Variants in PCDHGA1 observed in about 807,000 individuals in gnomAD.
The protein encoded by PCDHGA1 is protocadherin gamma subfamily A, 1.
Under a neutral mutation model 58.0 loss-of-function variants are expected in PCDHGA1, and 32 were observed. That is an observed-to-expected ratio of 0.55 (90% CI 0.42 to 0.74). PCDHGA1 has a LOEUF of 0.74. Among genes scored for constraint, PCDHGA1 ranks in the 30% least tolerant of loss-of-function variants. The pLI, the probability that PCDHGA1 is intolerant of heterozygous loss-of-function variation, is 0.00. For missense variants in PCDHGA1, 1,205 were observed against 1,182.3 expected, an observed-to-expected ratio of 1.02 and a Z score of -0.28; for synonymous variants, 498 against 501.1, an observed-to-expected ratio of 0.99 and a Z score of 0.08.
chr5:141,499,888 A>G (rs574246186), intron 2 of PCDHGA1, among the ~76,000 whole-genome samples: 105 of 152,174 alleles, frequency 6.9e-4, no homozygotes, highest in African/African-American at 2.4e-3. Flanking sequence ...GGGTTTCGCC[A>G]TGTTGGCCAG....
At position 141,415,074 on chromosome 5, in the gene PCDHGA1, G is replaced by C; in HGVS notation, c.2422-79733G>C. 3 of 1,613,448 alleles carry C rather than the reference G, an allele frequency of 1.9e-6. No homozygotes were observed. In the South Asian group the frequency reaches 3.3e-5, roughly 18 times the overall value. On this transcript the variant is annotated intron_variant, in intron 1 of 3. Coordinates refer to ENST00000517417, the MANE Select transcript of PCDHGA1 (RefSeq NM_018912.3). ...AGCACACGGGCGAGGTGCGCACGGCGCGAGCCCTGCTGGACAGAGACGCGC... is the reference window on the plus strand; with the variant it reads ...AGCACACGGGCGAGGTGCGCACGGCCCGAGCCCTGCTGGACAGAGACGCGC...
At chr5:141,505,245 A>G (rs530515894) in intron 2 of PCDHGA1, 148 bp from the exon 3 acceptor site, 294 of 1,430,832 alleles carry the variant, frequency 2.1e-4, no homozygotes, top group Admixed American at 1.8e-3. Flanking sequence ...GAAGGATTGT[A>G]GAAGTGCCTC....
chr5:141,403,121 C>A, intron 1 of PCDHGA1: 1 of 1,614,046 alleles, frequency 6.2e-7, no homozygotes, highest in Middle Eastern at 1.6e-4. Context: ...TCTGGAGCCC[C>A]GGGAGCTGGC....
chr5:141,376,183 C>A, intron 1 of PCDHGA1: 1 of 1,614,148 alleles, frequency 6.2e-7, no homozygotes, highest in Non-Finnish European at 8.5e-7. Flanking sequence ...TGGCCGCGGT[C>A]TCCTGCGTCT....
intron 1 of PCDHGA1, among the ~76,000 whole-genome samples, chr5:141,462,829 G>T (rs770335372): frequency 4.6e-5 from 7 of 152,130 alleles, no homozygotes; most frequent in Non-Finnish European, 8.8e-5. Flanking sequence ...AGCAGACATT[G>T]TAAATGTTAT....
intron 1 of PCDHGA1, chr5:141,356,861 A>G: frequency 1.2e-6 from 2 of 1,614,148 alleles, no homozygotes; most frequent in South Asian, 1.1e-5. Context: ...TTTGTGCTGG[A>G]CCAGAACGAC....
intron 1 of PCDHGA1, among the ~76,000 whole-genome samples, chr5:141,426,099 G>A (rs1590666889): frequency 1.3e-5 from 2 of 152,348 alleles, no homozygotes; most frequent in African/African-American, 4.8e-5. Context: ...ATTCTGTTCA[G>A]TCACAGAAGC....
chr5:141,369,651 A>C (rs562787182), intron 1 of PCDHGA1, among the ~76,000 whole-genome samples: 2 of 152,378 alleles, frequency 1.3e-5, no homozygotes, highest in South Asian at 4.1e-4. Context: ...GGGGGGAGAT[A>C]ATAAAGATAA....
chr5:141,350,765 A>G (rs1261918788), intron 1 of PCDHGA1: 1 of 1,613,858 alleles, frequency 6.2e-7, no homozygotes, highest in Non-Finnish European at 8.5e-7. Context: ...GTTATACACC[A>G]TCAACCCCAA....
intron 1 of PCDHGA1, chr5:141,384,896 A>G (rs1588983120): frequency 1.2e-6 from 2 of 1,613,766 alleles, no homozygotes; most frequent in African/African-American, 1.3e-5. Flanking sequence ...GCTGTGGCTG[A>G]CAGCATCCCC....
In PCDHGA1 at chr5:141,443,329, A is replaced by AC. The variant is rs58846402; in HGVS notation, c.2422-51477dup. 1.9e-4 allele frequency among the ~76,000 whole-genome samples: 29 copies of AC among 151,590 alleles called. No individual in the cohort carries two copies. In the East Asian group the frequency reaches 4.3e-3, roughly 22 times the overall value. ...AAACCCATCTCTACAAAAAAAAAAA[A>AC]CAAAAATTAACAAGGTTTAGTGGTC... On this transcript the variant is annotated intron_variant, in intron 1 of 3. Coordinates refer to ENST00000517417, the MANE Select transcript of PCDHGA1 (RefSeq NM_018912.3).
At chr5:141,389,480 C>G in intron 1 of PCDHGA1, 1 of 1,613,150 alleles carries the variant, frequency 6.2e-7, no homozygotes, top group Non-Finnish European at 8.5e-7. Flanking sequence ...CACTGCAGGC[C>G]CGCGACCAGG....
rs999463482 is a variant in PCDHGA1, at chr5:141,506,400, T to C, written c.2569+919T>C. ...GGAGGTGGCTGTGGTGAGCAGAAAATCGCACCACTGCACTCCAGCCTGGGC... is the reference window on the plus strand; with the variant it reads ...GGAGGTGGCTGTGGTGAGCAGAAAACCGCACCACTGCACTCCAGCCTGGGC... On this transcript the variant is annotated intron_variant, in intron 3 of 3. Coordinates refer to ENST00000517417, the MANE Select transcript of PCDHGA1 (RefSeq NM_018912.3). 1.2e-4 allele frequency among the ~76,000 whole-genome samples: 16 copies of C among 135,754 alleles called. No homozygotes were observed. In the Admixed American group the frequency reaches 1.3e-3, roughly 11 times the overall value. The allele number at this position is 135,754 out of a possible 152,430, so 89.1% of individuals were successfully genotyped here.
chr5:141,360,474 A>C, intron 1 of PCDHGA1: 1 of 1,613,982 alleles, frequency 6.2e-7, no homozygotes, highest in Non-Finnish European at 8.5e-7. Context: ...CTGAAAATCC[A>C]CTAAATATTT....
chr5:141,407,139 A>G lies in PCDHGA1; in HGVS notation c.2421+74034A>G, dbSNP rs190510544. Among the ~76,000 whole-genome samples, 1,517 of 152,332 alleles carry G rather than the reference A, an allele frequency of 1.0e-2. 33 individuals carry two copies. The highest frequency in any genetic ancestry group is 0.034 in the African/African-American group (1,425 of 41,568). On this transcript the variant is annotated intron_variant, in intron 1 of 3. Coordinates refer to ENST00000517417, the MANE Select transcript of PCDHGA1 (RefSeq NM_018912.3). ...TTTCAGTTGCTTTATTTTTAAGAAA[A>G]AAAAGCTGAAGTGTCTGGGAATCCT...
intron 1 of PCDHGA1, chr5:141,356,480 A>G: frequency 1.2e-6 from 2 of 1,613,992 alleles, no homozygotes; most frequent in South Asian, 2.2e-5. Flanking sequence ...GCCACTGACC[A>G]GGGAACTCCT....
chr5:141,373,190 A>G (rs746967409), intron 1 of PCDHGA1, among the ~76,000 whole-genome samples: 1 of 152,254 alleles, frequency 6.6e-6, no homozygotes, highest in Non-Finnish European at 1.5e-5. Flanking sequence ...ATGAAACATT[A>G]TGTATATCTT....
chr5:141,457,429 C>A (rs73280316), intron 1 of PCDHGA1, among the ~76,000 whole-genome samples: 7 of 152,178 alleles, frequency 4.6e-5, no homozygotes, highest in Non-Finnish European at 7.4e-5. Flanking sequence ...TTTTCCCCCC[C>A]ACCAAGCTGC....
rs551482869 is a variant in PCDHGA1, at chr5:141,372,722, A to G, written c.2421+39617A>G. On this transcript the variant is annotated intron_variant, in intron 1 of 3. Coordinates refer to ENST00000517417, the MANE Select transcript of PCDHGA1 (RefSeq NM_018912.3). ...TCAATATAAAGGCTGAAAATGCTGCACCACAAGATCTTCTATGTGATGAAG... is the reference window on the plus strand; with the variant it reads ...TCAATATAAAGGCTGAAAATGCTGCGCCACAAGATCTTCTATGTGATGAAG... The G allele has an allele frequency of 2.5e-6, 4 of 1,613,930 alleles. 1 individual carries two copies. In the South Asian group the frequency reaches 4.4e-5, roughly 18 times the overall value.
Sources: allele counts gnomAD v4.1 joint callset (sites outside exome capture counted in the v4.1 genomes callset), GRCh38; gene constraint gnomAD v4.1.1; transcripts MANE v1.5; gene names NCBI Gene and HGNC (gene_info 2026-07-23, HGNC 2026-07-21).